FARS2: variants seen among roughly 807,000 people sequenced by gnomAD.
FARS2 encodes the protein phenylalanine--tRNA ligase, mitochondrial.
FARS2 carries 40 observed loss-of-function variants against 46.4 expected under a neutral mutation model. The observed-to-expected ratio is 0.86, with a 90% confidence interval of 0.67 to 1.12. The LOEUF (loss-of-function observed/expected upper bound fraction) is 1.12. Among genes scored for constraint, FARS2 ranks in the 50% most tolerant of loss-of-function variants. FARS2 has a pLI of 0.00. For missense variants in FARS2, 513 were observed against 567.9 expected (o/e 0.90, Z 0.98); for synonymous variants, 234 against 214.9 (o/e 1.09, Z -0.78).
At chr6:5,468,665 T>C (rs573099174) in intron 4 of FARS2, among the ~76,000 whole-genome samples, 1 of 152,358 alleles carries the variant, frequency 6.6e-6, no homozygotes, top group African/African-American at 2.4e-5. Context: ...GTCTGCAGAA[T>C]GGATTACAGA....
rs532133729 is a variant in FARS2, at chr6:5,356,564, G to A, written c.-21-11986G>A. 3.3e-5 allele frequency among the ~76,000 whole-genome samples: 5 copies of A among 152,216 alleles called. No homozygotes were observed. In the South Asian group the frequency reaches 1.0e-3, roughly 32 times the overall value. On this transcript the variant is annotated intron_variant, in intron 1 of 6. Coordinates refer to ENST00000274680, the MANE Select transcript of FARS2 (RefSeq NM_006567.5). ...AGAAGGCTGTGATGTGCCTTACAGA[G>A]AAAACATGTATGTTAAGAGCTTCAT...
intron 6 of FARS2, among the ~76,000 whole-genome samples, chr6:5,759,680 G>A (rs1307892193): frequency 1.3e-5 from 2 of 152,296 alleles, no homozygotes; most frequent in Non-Finnish European, 2.9e-5. Flanking sequence ...AAAACGGGTA[G>A]AGGAGTTTGA....
Position 5,727,308 on chromosome 6 carries a change from C to T in FARS2, c.1218-43983C>T, listed in dbSNP as rs565794056. 6.6e-6 allele frequency among the ~76,000 whole-genome samples: 1 copy of T among 152,316 alleles called. No homozygotes were observed. Among genetic ancestry groups the T allele is most frequent in the African/African-American group, 2.4e-5 (1 of 41,574 alleles). On this transcript the variant is annotated intron_variant, in intron 6 of 6. Coordinates refer to ENST00000274680, the MANE Select transcript of FARS2 (RefSeq NM_006567.5). This position sits in a 1 kb window ranked among gnomAD's most constrained non-coding sequence, Gnocchi z 4.1. Reference sequence around the variant, plus strand: ...CCCGTTCCTCTGCACAGAACTTTCCCTCCTCCCTTGGTCTCCTGGAACACT... The same window carrying T: ...CCCGTTCCTCTGCACAGAACTTTCCTTCCTCCCTTGGTCTCCTGGAACACT...
chr6:5,317,261 A>G (rs967384180), intron 1 of FARS2, among the ~76,000 whole-genome samples: 7 of 152,244 alleles, frequency 4.6e-5, no homozygotes, highest in Admixed American at 2.6e-4. Context: ...GGTTCTGTCT[A>G]GTATTCGACA....
At chr6:5,632,861 T>C (rs1197816905) in intron 6 of FARS2, among the ~76,000 whole-genome samples, 1 of 152,066 alleles carries the variant, frequency 6.6e-6, no homozygotes, top group East Asian at 1.9e-4. Flanking sequence ...TAAGAGTTCT[T>C]AATATATTCT....
intron 5 of FARS2, among the ~76,000 whole-genome samples, chr6:5,556,950 G>A (rs2150527019): frequency 6.6e-6 from 1 of 152,208 alleles, no homozygotes; most frequent in South Asian, 2.1e-4. Flanking sequence ...AGAAGTTTTG[G>A]CACTCTGTGG....
intron 6 of FARS2, among the ~76,000 whole-genome samples, chr6:5,640,643 C>T (rs57569908): frequency 0.036 from 5,462 of 152,336 alleles, 379 homozygotes; most frequent in East Asian, 0.29. Flanking sequence ...AATCATCTCT[C>T]GAAGCCGCCT....
chr6:5,324,158 C>T lies in FARS2; in HGVS notation c.-21-44392C>T, dbSNP rs1365697706. ...CTCTCAGGTTTTATCTAAAGTAAAC[C>T]GGTCTTTAACTGTCAAGCTGCCATT... On this transcript the variant is annotated intron_variant, in intron 1 of 6. Coordinates refer to ENST00000274680, the MANE Select transcript of FARS2 (RefSeq NM_006567.5). 3.9e-5 allele frequency among the ~76,000 whole-genome samples: 6 copies of T among 152,254 alleles called. No individual in the cohort carries two copies. In the East Asian group the frequency reaches 5.8e-4, roughly 15 times the overall value.
chr6:5,406,550 C>A (rs1490809811), intron 3 of FARS2, among the ~76,000 whole-genome samples: 1 of 151,992 alleles, frequency 6.6e-6, no homozygotes, highest in Non-Finnish European at 1.5e-5. Context: ...TCTTTTTTGT[C>A]TGGCTTGTTT....
At chr6:5,592,738 A>G (rs566437062) in intron 5 of FARS2, among the ~76,000 whole-genome samples, 12 of 152,362 alleles carry the variant, frequency 7.9e-5, no homozygotes, top group Non-Finnish European at 1.6e-4. Flanking sequence ...TCTGATGTTG[A>G]TATACCCTGC....
At chr6:5,374,304 C>T (rs960023070) in intron 2 of FARS2, among the ~76,000 whole-genome samples, 1 of 152,084 alleles carries the variant, frequency 6.6e-6, no homozygotes, top group African/African-American at 2.4e-5. Flanking sequence ...CAGTCAAAAA[C>T]ATTGGCTGAA....
intron 3 of FARS2, among the ~76,000 whole-genome samples, chr6:5,417,745 AT>A (rs1762324114): frequency 6.6e-6 from 1 of 152,160 alleles, no homozygotes; most frequent in Admixed American, 6.5e-5. Flanking sequence ...TATGTTTGGA[AT>A]TGGTTGAGCT....
intron 1 of FARS2, among the ~76,000 whole-genome samples, chr6:5,350,576 G>C (rs552511891): frequency 6.7e-6 from 1 of 148,950 alleles, no homozygotes; most frequent in South Asian, 2.1e-4. Flanking sequence ...ATTCAGTGGA[G>C]GAAGGCTACC....
At chr6:5,688,338 C>T (rs1306302635) in intron 6 of FARS2, among the ~76,000 whole-genome samples, 4 of 152,152 alleles carry the variant, frequency 2.6e-5, no homozygotes, top group Admixed American at 6.5e-5. Context: ...GCTGTGGGTT[C>T]GTCATACATA....
At chr6:5,450,969 A>G (rs1230842193) in intron 4 of FARS2, among the ~76,000 whole-genome samples, 2 of 151,852 alleles carry the variant, frequency 1.3e-5, no homozygotes, top group Non-Finnish European at 2.9e-5. Context: ...GCCTCCTTTC[A>G]TGAAGATTTG....
intron 1 of FARS2, among the ~76,000 whole-genome samples, chr6:5,284,578 A>T (rs1487977546): frequency 6.6e-6 from 1 of 152,114 alleles, no homozygotes; most frequent in African/African-American, 2.4e-5. Flanking sequence ...AATAGTGCTT[A>T]TGTTTTATAT....
At chr6:5,436,930 A>G (rs1763557850) in intron 4 of FARS2, among the ~76,000 whole-genome samples, 1 of 152,182 alleles carries the variant, frequency 6.6e-6, no homozygotes, top group Admixed American at 6.5e-5. Flanking sequence ...AGTGTAATGA[A>G]CTGCAGATAT....
chr6:5,358,857 A>C (rs1163813247), intron 1 of FARS2, among the ~76,000 whole-genome samples: 2 of 152,036 alleles, frequency 1.3e-5, no homozygotes, highest in African/African-American at 4.8e-5. Context: ...TCTAAAAGTT[A>C]TATTTTTCTA....
At chr6:5,434,786 C>T (rs1309020494) in intron 4 of FARS2, among the ~76,000 whole-genome samples, 2 of 130,416 alleles carry the variant, frequency 1.5e-5, no homozygotes, top group African/African-American at 4.7e-5. Context: ...CCTGCTCTTC[C>T]CCTCTCTTTA....
Sources: allele counts gnomAD v4.1 joint callset (sites outside exome capture counted in the v4.1 genomes callset), GRCh38; gene constraint gnomAD v4.1.1; non-coding constraint Gnocchi (gnomAD v3.1); transcripts MANE v1.5; gene names NCBI Gene and HGNC (gene_info 2026-07-23, HGNC 2026-07-21).